The following MOK variants were observed in gnomAD, a reference collection of about 807,000 sequenced individuals.
The protein encoded by MOK is MAPK/MAK/MRK overlapping kinase.
A neutral mutation model predicts 54.2 loss-of-function variants in MOK; 59 were observed. The ratio of observed to expected loss-of-function variants is 1.09; its 90% CI spans 0.88 to 1.35. The LOEUF (loss-of-function observed/expected upper bound fraction) is 1.35. MOK is among the 40% of genes most tolerant of loss of function. The probability of loss-of-function intolerance (pLI) is 0.00; values close to 1 mark genes in which losing one functional copy is unlikely to be tolerated. For missense variants in MOK, 517 were observed against 526.2 expected, an observed-to-expected ratio of 0.98 and a Z score of 0.17; for synonymous variants, 210 against 202.7, an observed-to-expected ratio of 1.04 and a Z score of -0.31.
downstream of MOK, among the ~76,000 whole-genome samples, chr14:102,226,765 G>C (rs80294452): frequency 5.6e-3 from 858 of 152,308 alleles, 18 homozygotes; most frequent in East Asian, 0.034. This position sits in a 1 kb window ranked among gnomAD's most constrained non-coding sequence, Gnocchi z 4.8. Flanking sequence ...ATCACCCTCG[G>C]AATCTCCACC....
At chr14:102,261,297 T>C (rs2067377175) in intron 4 of MOK, among the ~76,000 whole-genome samples, 1 of 135,170 alleles carries the variant, frequency 7.4e-6, no homozygotes, top group African/African-American at 2.9e-5. Context: ...CACATGCCTG[T>C]AGTCCCAGCT....
downstream of MOK, chr14:102,226,189 G>C (rs2064232332): frequency 1.6e-6 from 1 of 610,186 alleles, no homozygotes; most frequent in Non-Finnish European, 2.9e-6. This position sits in a 1 kb window ranked among gnomAD's most constrained non-coding sequence, Gnocchi z 4.8. Flanking sequence ...TGCAAGGCCT[G>C]CCCCCGCCAG....
chr14:102,282,384 CAGTT>C (rs778545666), intron 2 of MOK, among the ~76,000 whole-genome samples: 2 of 151,994 alleles, frequency 1.3e-5, no homozygotes, highest in South Asian at 2.1e-4. Flanking sequence ...AATTTATTCA[CAGTT>C]AGTTAAATTG....
At chr14:102,283,417 T>A in intron 2 of MOK, 61 bp downstream of exon 2, 6 of 1,047,178 alleles carry the variant, frequency 5.7e-6, no homozygotes, top group Non-Finnish European at 8.6e-6. Context: ...TAATATTAAG[T>A]TGCCGTTATT....
At chr14:102,303,977 A>G (rs1315460966) in intron 1 of MOK, among the ~76,000 whole-genome samples, 1 of 152,254 alleles carries the variant, frequency 6.6e-6, no homozygotes, top group African/African-American at 2.4e-5. Context: ...CTGCACTGTA[A>G]GTAAAAGTGT....
At position 102,238,534 on chromosome 14, in the gene MOK, G is replaced by A. The variant is rs188049056; in HGVS notation, c.591-4745C>T. 57 of 152,290 alleles carry A rather than the reference G, an allele frequency of 3.7e-4. No individual in the cohort carries two copies. Among genetic ancestry groups the A allele is most frequent in the African/African-American group, 1.2e-3 (50 of 41,500 alleles). 9.4% of individuals were successfully genotyped at this position (152,290 alleles called of 1,614,324 possible). The stretch of plus-strand genomic sequence containing the variant: ...TCAAGAGGCAACAGAAAGACCAATG[G>A]GGCAGCAAAAGAAGCCTCCCTTTCT... On this transcript the variant is annotated intron_variant, in intron 7 of 11. Coordinates refer to ENST00000361847, the MANE Select transcript of MOK (RefSeq NM_014226.3). This position sits in a 1 kb window ranked among gnomAD's most constrained non-coding sequence, Gnocchi z 4.8.
In MOK at chr14:102,249,441, G is replaced by C. The variant is rs999061717; in HGVS notation, c.590+1371C>G. ...ATTTTAAACCTGTGCTGGGCGCGGT[G>C]GCTCATGCCTGTAATCCCAGCACTT... On this transcript the variant is annotated intron_variant, in intron 7 of 11. Transcript: ENST00000361847. The surrounding 1 kb of genome is among the most constrained non-coding windows in gnomAD (Gnocchi z 5.3). Among the ~76,000 whole-genome samples, 3 of 152,216 alleles carry C rather than the reference G, an allele frequency of 2.0e-5. No individual in the cohort carries two copies. Among genetic ancestry groups the C allele is most frequent in the Non-Finnish European group, 2.9e-5 (2 of 68,038 alleles).
intron 2 of MOK, among the ~76,000 whole-genome samples, chr14:102,274,002 G>A (rs2068617342): frequency 6.6e-6 from 1 of 151,606 alleles, no homozygotes; most frequent in South Asian, 2.1e-4. Context: ...CTGTCGCCCA[G>A]GCTGGAGTGC....
intron 8 of MOK, chr14:102,233,109 C>T (rs990635592): frequency 3.2e-5 from 5 of 157,436 alleles, no homozygotes; most frequent in African/African-American, 9.6e-5. Context: ...ATTAATATCA[C>T]CTTCCCACAT....
At chr14:102,222,831 G>C (rs752072453), downstream of MOK, 2 of 1,614,190 alleles carry the variant, frequency 1.2e-6, no homozygotes. The surrounding 1 kb of genome is among the most constrained non-coding windows in gnomAD (Gnocchi z 4.4). Flanking sequence ...TGTTTGCAGG[G>C]CTCATTGTCA....
At position 102,233,688 on chromosome 14, in the gene MOK, T is replaced by C; in HGVS notation, c.692A>G (p.Gln231Arg). The stretch of plus-strand genomic sequence containing the variant: ...TCCACTCTCAGAACACAATACTTAC[T>C]GTTTGAACTTGGTGAGGATCTTCTG... ...PAQKILTKFK[Q>R]SRAMNFDFPF... Residue 231 changes from glutamine (Q) to arginine (R), a missense_variant and splice_region_variant, in exon 8 of 12, where the codon CAG becomes CGG. Coordinates refer to ENST00000361847, the MANE Select transcript of MOK (RefSeq NM_014226.3). The C allele has an allele frequency of 6.2e-7, 1 of 1,610,908 alleles. No homozygotes were observed. The highest frequency in any genetic ancestry group is 8.5e-7 in the Non-Finnish European group (1 of 1,177,054).
chr14:102,234,053 C>G (rs1209481221), intron 7 of MOK: 1 of 348,490 alleles, frequency 2.9e-6, no homozygotes, highest in South Asian at 4.9e-5. Context: ...ATATAAACCC[C>G]TCAATCTGTA....
chr14:102,304,269 GTAA>G (rs956551640), intron 1 of MOK, among the ~76,000 whole-genome samples: 3 of 152,124 alleles, frequency 2.0e-5, no homozygotes, highest in African/African-American at 7.2e-5. Context: ...TATCTGTACA[GTAA>G]TAATAATTTT....
At chr14:102,293,899 A>AT in intron 1 of MOK, among the ~76,000 whole-genome samples, 1 of 152,208 alleles carries the variant, frequency 6.6e-6, no homozygotes, top group East Asian at 1.9e-4. Flanking sequence ...CATTTCAAGA[A>AT]TTTTAAGAAA....
In MOK at chr14:102,305,117, TC is replaced by T; in HGVS notation, c.-150del. The T allele has an allele frequency of 2.2e-6, 2 of 928,682 alleles. No homozygotes were observed. The highest frequency in any genetic ancestry group is 3.4e-6 in the Non-Finnish European group (2 of 589,072). The allele number at this position is 928,682 out of a possible 1,614,324, so 57.5% of individuals were successfully genotyped here. On this transcript the variant is annotated 5_prime_UTR_variant, in exon 1 of 12. An upstream open reading frame in the 5' UTR gains an earlier in-frame stop. Coordinates refer to ENST00000361847, the MANE Select transcript of MOK (RefSeq NM_014226.3). ...GTCCCTCGAAGGAGAGCGTTAGAGATCCCGCCGCCATGTTGTGTCCCTGTCA... is the reference window on the plus strand; with the variant it reads ...GTCCCTCGAAGGAGAGCGTTAGAGATCCGCCGCCATGTTGTGTCCCTGTCA...
At chr14:102,262,618 A>T (rs2067573598) in intron 4 of MOK, among the ~76,000 whole-genome samples, 1 of 152,200 alleles carries the variant, frequency 6.6e-6, no homozygotes, top group African/African-American at 2.4e-5. Context: ...TTTTATTTGA[A>T]CTCTTCATAT....
chr14:102,293,682 C>A (rs1260751738), intron 1 of MOK, among the ~76,000 whole-genome samples: 13 of 61,214 alleles, frequency 2.1e-4, no homozygotes, highest in Non-Finnish European at 3.9e-4. Flanking sequence ...GCCTGGGCAA[C>A]AAGAGCGAAA....
In MOK at chr14:102,231,865, C is replaced by T. The variant is rs773840133; in HGVS notation, c.867-44G>A. 5.2e-5 allele frequency: 79 copies of T among 1,532,874 alleles called. 1 individual carries two copies. The highest frequency in any genetic ancestry group is 1.4e-4 in the Admixed American group (8 of 58,916). The allele number at this position is 1,532,874 out of a possible 1,614,324, so 95.0% of individuals were successfully genotyped here. ...GAATGGAGCAGCTCCACTGAGAGCC[C>T]GCAGAGCACACGGCCTACTGGCTTC... On this transcript the variant is annotated intron_variant, in intron 9 of 11. Transcript: ENST00000361847. The surrounding 1 kb of genome is among the most constrained non-coding windows in gnomAD (Gnocchi z 4.4).
At chr14:102,242,017 G>A (rs942174098) in intron 7 of MOK, among the ~76,000 whole-genome samples, 10 of 152,340 alleles carry the variant, frequency 6.6e-5, no homozygotes, top group African/African-American at 2.4e-4. Flanking sequence ...AACTCGCCCA[G>A]CAGCCACTCC....
Sources: allele counts gnomAD v4.1 joint callset (sites outside exome capture counted in the v4.1 genomes callset), GRCh38; gene constraint gnomAD v4.1.1; non-coding constraint Gnocchi (gnomAD v3.1); transcripts MANE v1.5; gene names NCBI Gene and HGNC (gene_info 2026-07-23, HGNC 2026-07-21).